KCNH1: variants seen among roughly 807,000 people sequenced by gnomAD.
KCNH1 encodes the protein potassium voltage-gated channel subfamily H member 1.
Under a neutral mutation model 69.2 loss-of-function variants are expected in KCNH1, and 27 were observed. The ratio of observed to expected loss-of-function variants is 0.39; its 90% CI spans 0.29 to 0.54. The LOEUF (loss-of-function observed/expected upper bound fraction) is 0.54, where lower values mean the gene tolerates loss of function less well. KCNH1 is among the 20% of genes least tolerant of loss of function. The pLI is 0.68. For synonymous variants in KCNH1, 456 were observed against 487.7 expected (o/e 0.93, Z 0.86); for missense variants, 798 against 1,261.6 (o/e 0.63, Z 5.57).
intron 6 of KCNH1, among the ~76,000 whole-genome samples, chr1:210,931,664 T>A (rs962186990): frequency 3.3e-5 from 5 of 151,854 alleles, no homozygotes; most frequent in African/African-American, 9.7e-5. Flanking sequence ...CTAATAAAAT[T>A]AAATTTAATT....
At chr1:211,030,954 G>C (rs1215086381) in intron 5 of KCNH1, among the ~76,000 whole-genome samples, 2 of 152,016 alleles carry the variant, frequency 1.3e-5, no homozygotes, top group Non-Finnish European at 2.9e-5. Flanking sequence ...TTACCCAAAA[G>C]GAGATACAGA....
chr1:210,840,102 C>A (rs1182052204), intron 7 of KCNH1, among the ~76,000 whole-genome samples: 5 of 152,132 alleles, frequency 3.3e-5, no homozygotes, highest in Non-Finnish European at 7.4e-5. Flanking sequence ...CAGTCTATGA[C>A]AACAGAGGTC....
At chr1:211,008,248 A>T (rs1426916105) in intron 6 of KCNH1, among the ~76,000 whole-genome samples, 3 of 152,214 alleles carry the variant, frequency 2.0e-5, no homozygotes, top group Non-Finnish European at 4.4e-5. Context: ...CTGACACAAC[A>T]TGAATAAACC....
At chr1:210,800,071 G>C (rs1353876839) in intron 8 of KCNH1, among the ~76,000 whole-genome samples, 10 of 152,344 alleles carry the variant, frequency 6.6e-5, no homozygotes, top group Non-Finnish European at 1.3e-4. Context: ...GCCCCAGTAG[G>C]GGATTCAGTA....
chr1:211,051,739 A>T (rs960184879), intron 5 of KCNH1, among the ~76,000 whole-genome samples: 2 of 152,234 alleles, frequency 1.3e-5, no homozygotes, highest in African/African-American at 2.4e-5. Flanking sequence ...AAGGATTTTT[A>T]AGGAGTAATA....
rs146802365 is a variant in KCNH1 at position 211,093,791 on chromosome 1, A to G, written c.311-3101T>C. 1.2e-3 allele frequency among the ~76,000 whole-genome samples: 178 copies of G among 152,160 alleles called. 6 individuals are homozygous for G. In the East Asian group the frequency reaches 0.032, roughly 27 times the overall value. On this transcript the variant is annotated intron_variant, in intron 3 of 10. Transcript: ENST00000271751. ...AACATCTTTCAGTGTAACACTCTGG[A>G]CCTTTTTCCTAGGTTGGTTGGTAAT...
intron 3 of KCNH1, 107 bp from the exon 4 acceptor site, chr1:211,090,797 A>G: frequency 1.9e-6 from 2 of 1,077,560 alleles, no homozygotes; most frequent in Non-Finnish European, 2.6e-6. Flanking sequence ...TCATTTTTTA[A>G]ATGGTCTTAT....
intron 10 of KCNH1, among the ~76,000 whole-genome samples, chr1:210,770,975 T>C (rs1167414739): frequency 6.6e-6 from 1 of 152,198 alleles, no homozygotes; most frequent in East Asian, 1.9e-4. Flanking sequence ...TCCTAGTTTA[T>C]TCCATTGAGA....
intron 6 of KCNH1, among the ~76,000 whole-genome samples, chr1:210,950,216 C>CTT (rs925247382): frequency 7.0e-6 from 1 of 142,414 alleles, no homozygotes; most frequent in South Asian, 2.3e-4. Flanking sequence ...GTTTAGATTT[C>CTT]TTTTTTTTTT....
At chr1:210,853,810 G>A (rs1445897875) in intron 7 of KCNH1, among the ~76,000 whole-genome samples, 4 of 151,940 alleles carry the variant, frequency 2.6e-5, no homozygotes, top group Admixed American at 6.6e-5. Context: ...CAAACCATCC[G>A]GTTCAAGTCA....
At chr1:210,843,422 T>A (rs1685467738) in intron 7 of KCNH1, among the ~76,000 whole-genome samples, 1 of 152,208 alleles carries the variant, frequency 6.6e-6, no homozygotes, top group Non-Finnish European at 1.5e-5. Context: ...AAGCAGGCTA[T>A]TTGACAAATG....
chr1:211,031,215 G>T (rs747173928), intron 5 of KCNH1, among the ~76,000 whole-genome samples: 10 of 152,138 alleles, frequency 6.6e-5, no homozygotes, highest in Non-Finnish European at 1.3e-4. Context: ...TCTCTGAACA[G>T]ACCAGTAACA....
intron 5 of KCNH1, among the ~76,000 whole-genome samples, chr1:211,024,063 T>C (rs988017964): frequency 1.3e-5 from 2 of 152,232 alleles, no homozygotes; most frequent in African/African-American, 2.4e-5. Flanking sequence ...CATAAACATA[T>C]ATAATTATGT....
chr1:210,790,421 T>TGCC (rs1356339490), intron 9 of KCNH1, among the ~76,000 whole-genome samples: 1 of 152,168 alleles, frequency 6.6e-6, no homozygotes, highest in African/African-American at 2.4e-5. Context: ...CTCTCTTGCT[T>TGCC]TCCTGTCTTT....
At chr1:210,852,252 G>A (rs573492128) in intron 7 of KCNH1, among the ~76,000 whole-genome samples, 2 of 152,316 alleles carry the variant, frequency 1.3e-5, no homozygotes, top group South Asian at 2.1e-4. Context: ...CCAGAGGGAA[G>A]GAGGGGCTTG....
intron 6 of KCNH1, among the ~76,000 whole-genome samples, chr1:210,977,843 C>G (rs896885604): frequency 6.6e-6 from 1 of 152,026 alleles, no homozygotes; most frequent in Non-Finnish European, 1.5e-5. Flanking sequence ...TACATGTATA[C>G]AATGTGTAAT....
chr1:210,683,713 C>T lies in KCNH1; in HGVS notation c.2538G>A (p.Lys846=). 6.2e-7 allele frequency: 1 copy of T among 1,614,248 alleles called. No individual in the cohort carries two copies. The highest frequency in any genetic ancestry group is 8.5e-7 in the Non-Finnish European group (1 of 1,180,056). Residue 846 remains lysine (K), a synonymous_variant, in exon 11 of 11, where the codon AAG becomes AAA. Transcript: ENST00000271751. This position sits in a 1 kb window ranked among gnomAD's most constrained non-coding sequence, Gnocchi z 5.7. ...SWARFKDACG[K]SEDWNKVSKA... ...TGGACACCTTGTTCCAGTCCTCACT[C>T]TTCCCGCAAGCATCTTTGAAGCGGG...
chr1:210,972,954 T>G (rs939395642), intron 6 of KCNH1, among the ~76,000 whole-genome samples: 96 of 149,984 alleles, frequency 6.4e-4, no homozygotes, highest in African/African-American at 2.2e-3. Context: ...TAAAACTGGC[T>G]GTTTGCCTCC....
At chr1:211,077,298 A>G (rs888692940) in intron 5 of KCNH1, among the ~76,000 whole-genome samples, 2 of 152,104 alleles carry the variant, frequency 1.3e-5, no homozygotes, top group African/African-American at 4.8e-5. Context: ...CCCAAGATAC[A>G]TGATTGTCAG....
Sources: gnomAD v4.1 joint callset for allele counts (sites outside exome capture counted in the v4.1 genomes callset) on GRCh38, gnomAD v4.1.1 for gene constraint, Gnocchi (gnomAD v3.1) non-coding constraint, MANE v1.5 for transcripts, NCBI Gene and HGNC (gene_info 2026-07-23, HGNC 2026-07-21) for gene names.